MAF: variants seen among roughly 807,000 people sequenced by gnomAD.
MAF encodes the protein transcription factor Maf.
MAF carries 10 observed loss-of-function variants against 22.0 expected under a neutral mutation model. The observed-to-expected ratio is 0.45, with a 90% confidence interval of 0.28 to 0.77. MAF has a LOEUF of 0.77. Ranked by LOEUF, MAF falls within the 30% of genes least tolerant of loss-of-function variation. MAF has a pLI of 0.12. For synonymous variants in MAF, 337 were observed against 255.8 expected (o/e 1.32, Z -3.03); for missense variants, 544 against 548.4 (o/e 0.99, Z 0.08).
chr16:79,213,793 A>AGAT, the MAF span, among the ~76,000 whole-genome samples: 3 of 151,924 alleles, frequency 2.0e-5, no homozygotes, highest in South Asian at 4.2e-4. Flanking sequence ...GCAATGCAAA[A>AGAT]GATAGTAAAA....
At chr16:79,487,135 G>A in the MAF span, among the ~76,000 whole-genome samples, 1 of 151,076 alleles carries the variant, frequency 6.6e-6, no homozygotes, top group Non-Finnish European at 1.5e-5. Flanking sequence ...AATTAGGTAA[G>A]TAGGACCCAT....
chr16:79,257,688 G>T, the MAF span, among the ~76,000 whole-genome samples: 1 of 152,160 alleles, frequency 6.6e-6, no homozygotes, highest in South Asian at 2.1e-4. Flanking sequence ...TCCCATATTT[G>T]TGTCCAGTCT....
the MAF span, among the ~76,000 whole-genome samples, chr16:79,530,173 T>C: frequency 6.6e-6 from 1 of 152,164 alleles, no homozygotes. Flanking sequence ...AACAATTTAT[T>C]TTAAGGTCCT....
the MAF span, among the ~76,000 whole-genome samples, chr16:79,517,107 C>T: frequency 4.6e-5 from 7 of 152,126 alleles, no homozygotes; most frequent in Admixed American, 3.9e-4. Context: ...TCAGCTGGTA[C>T]CAGCCAGGTG....
chr16:79,213,761 G>A, the MAF span, among the ~76,000 whole-genome samples: 1 of 151,716 alleles, frequency 6.6e-6, no homozygotes, highest in South Asian at 2.1e-4. Flanking sequence ...CAGAGGAGAA[G>A]AAACTGCACA....
the MAF span, among the ~76,000 whole-genome samples, chr16:79,353,806 A>G: frequency 2.0e-5 from 3 of 152,124 alleles, no homozygotes; most frequent in Non-Finnish European, 2.9e-5. Context: ...GGAAAAAAGA[A>G]AAGCAGATCT....
At chr16:79,221,900 G>A in the MAF span, among the ~76,000 whole-genome samples, 1 of 152,082 alleles carries the variant, frequency 6.6e-6, no homozygotes, top group Admixed American at 6.6e-5. Context: ...ACAGGCCACT[G>A]CTTTGTTTTT....
the MAF span, among the ~76,000 whole-genome samples, chr16:79,483,405 G>A: frequency 6.6e-6 from 1 of 150,510 alleles, no homozygotes; most frequent in Admixed American, 6.6e-5. Context: ...AAAGAAAACA[G>A]AGGAAGGAAG....
chr16:79,337,050 T>C, the MAF span, among the ~76,000 whole-genome samples: 20 of 152,312 alleles, frequency 1.3e-4, no homozygotes, highest in African/African-American at 4.8e-4. Flanking sequence ...AAATAGGCTC[T>C]GGCATGCTCC....
At chr16:79,527,748 T>C in the MAF span, among the ~76,000 whole-genome samples, 2 of 152,188 alleles carry the variant, frequency 1.3e-5, no homozygotes, top group Non-Finnish European at 2.9e-5. Flanking sequence ...GAAGTGAATA[T>C]TGTCAGGAAA....
At chr16:79,544,226 A>T in the MAF span, among the ~76,000 whole-genome samples, 1 of 152,246 alleles carries the variant, frequency 6.6e-6, no homozygotes. Flanking sequence ...AACTAGCTAC[A>T]TATGGCTATT....
the MAF span, among the ~76,000 whole-genome samples, chr16:79,513,139 C>T: frequency 6.6e-6 from 1 of 152,254 alleles, no homozygotes; most frequent in African/African-American, 2.4e-5. Context: ...TCACACTGGT[C>T]CTCACCAGGG....
At chr16:79,358,712 G>A in the MAF span, among the ~76,000 whole-genome samples, 2 of 152,332 alleles carry the variant, frequency 1.3e-5, no homozygotes, top group South Asian at 2.1e-4. Context: ...TGAGATGATG[G>A]TGAGCACTAA....
chr16:79,424,475 T>C, the MAF span, among the ~76,000 whole-genome samples: 2 of 152,196 alleles, frequency 1.3e-5, no homozygotes, highest in African/African-American at 2.4e-5. Flanking sequence ...CCCTCCTTGA[T>C]TAAAAAAATT....
chr16:79,514,272 T>A, the MAF span, among the ~76,000 whole-genome samples: 5 of 152,244 alleles, frequency 3.3e-5, no homozygotes, highest in African/African-American at 9.6e-5. Flanking sequence ...GACTTCCCAT[T>A]ACCTATCATT....
chr16:79,535,545 T>C, the MAF span, among the ~76,000 whole-genome samples: 1 of 151,600 alleles, frequency 6.6e-6, no homozygotes, highest in Admixed American at 6.6e-5. Flanking sequence ...TAATATGCAT[T>C]ATTCATAAAG....
chr16:79,386,649 G>A, the MAF span, among the ~76,000 whole-genome samples: 120 of 152,152 alleles, frequency 7.9e-4, no homozygotes, highest in African/African-American at 2.8e-3. Context: ...AATATCTAAG[G>A]TATGTTATCG....
chr16:79,349,647 T>C, the MAF span, among the ~76,000 whole-genome samples: 4 of 152,158 alleles, frequency 2.6e-5, no homozygotes, highest in Admixed American at 1.3e-4. Flanking sequence ...ACCCAGAGGA[T>C]CATGCCCTTC....
chr16:79,483,607 G>GACAAC, the MAF span, among the ~76,000 whole-genome samples: 3 of 152,086 alleles, frequency 2.0e-5, no homozygotes, highest in African/African-American at 7.2e-5. Flanking sequence ...AATTGAGAAT[G>GACAAC]AGAATAAGTA....
Sources: allele counts gnomAD v4.1 joint callset (sites outside exome capture counted in the v4.1 genomes callset), GRCh38; gene constraint gnomAD v4.1.1; transcripts MANE v1.5; gene names NCBI Gene and HGNC (gene_info 2026-07-23, HGNC 2026-07-21).